LAMC1: variants seen among roughly 807,000 people sequenced by gnomAD.
The protein encoded by LAMC1 is laminin subunit gamma-1.
LAMC1 carries 38 observed loss-of-function variants against 173.6 expected under a neutral mutation model. The ratio of observed to expected loss-of-function variants is 0.22; its 90% CI spans 0.17 to 0.29. The LOEUF (loss-of-function observed/expected upper bound fraction) is 0.29. Among genes scored for constraint, LAMC1 ranks in the 10% least tolerant of loss-of-function variants. The pLI, the probability that LAMC1 is intolerant of heterozygous loss-of-function variation, is 1.00. For missense variants in LAMC1, 1,824 were observed against 2,051.8 expected, an observed-to-expected ratio of 0.89 and a Z score of 2.14; for synonymous variants, 746 against 749.1, an observed-to-expected ratio of 1.00 and a Z score of 0.07.
intron 1 of LAMC1, among the ~76,000 whole-genome samples, chr1:183,025,891 T>C (rs1653673759): frequency 6.6e-6 from 1 of 152,222 alleles, no homozygotes; most frequent in Non-Finnish European, 1.5e-5. Flanking sequence ...AGGCACTGTG[T>C]AGCTAAAGGT....
At chr1:183,073,601 G>A (rs1209725384) in intron 1 of LAMC1, among the ~76,000 whole-genome samples, 1 of 152,204 alleles carries the variant, frequency 6.6e-6, no homozygotes, top group Non-Finnish European at 1.5e-5. Flanking sequence ...TTGAACTTGT[G>A]TTAAGGTCAA....
intron 2 of LAMC1, among the ~76,000 whole-genome samples, chr1:183,107,816 C>T (rs959004023): frequency 5.9e-5 from 9 of 151,648 alleles, no homozygotes; most frequent in East Asian, 3.9e-4. Context: ...GGCGACAGAA[C>T]GAGACTCCAT....
At chr1:183,110,413 G>T (rs1362905227) in intron 3 of LAMC1, 75 bp from the exon 4 acceptor site, 4 of 1,162,556 alleles carry the variant, frequency 3.4e-6, no homozygotes, top group Non-Finnish European at 5.0e-6. Context: ...ACTTCTTTGT[G>T]TACATAGTTT....
intron 1 of LAMC1, among the ~76,000 whole-genome samples, chr1:183,052,080 A>G (rs1351461890): frequency 4.6e-5 from 7 of 152,162 alleles, no homozygotes; most frequent in Middle Eastern, 3.2e-3. Flanking sequence ...GTTACCTGTC[A>G]AAACATACAG....
rs139422397 is a variant in LAMC1 at position 183,071,348 on chromosome 1, T to G, written c.419-31980T>G. Reference sequence around the variant, plus strand: ...TTCTCACTTGAAAATTGAAGCTGTGTCCAGATACAGCTGTAATTCAGAATA... The same window carrying G: ...TTCTCACTTGAAAATTGAAGCTGTGGCCAGATACAGCTGTAATTCAGAATA... On this transcript the variant is annotated intron_variant, in intron 1 of 27. Coordinates refer to ENST00000258341, the MANE Select transcript of LAMC1 (RefSeq NM_002293.4). Among the ~76,000 whole-genome samples the G allele has an allele frequency of 6.0e-4, 91 of 151,910 alleles. 2 individuals are homozygous for G. In the East Asian group the frequency reaches 9.9e-3, roughly 17 times the overall value.
chr1:183,128,826 TA>T, intron 18 of LAMC1, 76 bp downstream of exon 18: 24 of 1,093,428 alleles, frequency 2.2e-5, no homozygotes, highest in Middle Eastern at 2.3e-4. Context: ...GCAAGGTTAG[TA>T]TAGTTTTATA....
intron 26 of LAMC1, among the ~76,000 whole-genome samples, chr1:183,139,763 G>A (rs1657054106): frequency 6.6e-6 from 1 of 152,146 alleles, no homozygotes; most frequent in Admixed American, 6.5e-5. Context: ...TATGACTCAT[G>A]CACAGTTATT....
chr1:183,080,072 A>G (rs898255711), intron 1 of LAMC1, among the ~76,000 whole-genome samples: 4 of 152,072 alleles, frequency 2.6e-5, no homozygotes, highest in Non-Finnish European at 4.4e-5. Flanking sequence ...GTGAAACCCC[A>G]TCTCTACTAA....
chr1:183,101,708 A>G (rs1655838250), intron 1 of LAMC1, among the ~76,000 whole-genome samples: 1 of 152,056 alleles, frequency 6.6e-6, no homozygotes, highest in Admixed American at 6.5e-5. Flanking sequence ...AGCAGAAATC[A>G]TATGGTTAGT....
At chr1:183,120,876 G>A (rs3768622) in intron 11 of LAMC1, among the ~76,000 whole-genome samples, 83,590 of 151,952 alleles carry the variant, frequency 0.55, 23,211 homozygotes, top group South Asian at 0.65. Flanking sequence ...CAGAAATTAT[G>A]TAACCTGAGT....
At chr1:183,077,506 C>T (rs537924951) in intron 1 of LAMC1, among the ~76,000 whole-genome samples, 1 of 152,070 alleles carries the variant, frequency 6.6e-6, no homozygotes, top group East Asian at 1.9e-4. Context: ...TTGGTGCACG[C>T]GAGCACTATA....
chr1:183,083,399 G>T (rs904193284), intron 1 of LAMC1, among the ~76,000 whole-genome samples: 3 of 152,088 alleles, frequency 2.0e-5, no homozygotes, highest in African/African-American at 7.2e-5. Flanking sequence ...GAATCACACC[G>T]GAACGAGTTG....
At chr1:183,055,795 G>C (rs1654574944) in intron 1 of LAMC1, among the ~76,000 whole-genome samples, 1 of 151,852 alleles carries the variant, frequency 6.6e-6, no homozygotes, top group African/African-American at 2.4e-5. Context: ...CTGGGCAACA[G>C]AGGGAGACTC....
At chr1:183,135,975 A>G (rs182436791) in intron 24 of LAMC1, among the ~76,000 whole-genome samples, 1 of 152,010 alleles carries the variant, frequency 6.6e-6, no homozygotes, top group Non-Finnish European at 1.5e-5. Flanking sequence ...ACCCTGCACC[A>G]CAGGTCATGT....
chr1:183,110,346 C>T, intron 3 of LAMC1, 142 bp from the exon 4 acceptor site: 1 of 544,516 alleles, frequency 1.8e-6, no homozygotes, highest in Non-Finnish European at 3.1e-6. Flanking sequence ...AAAATTCAGA[C>T]ATCCATTACT....
intron 1 of LAMC1, among the ~76,000 whole-genome samples, chr1:183,060,762 G>A (rs948758340): frequency 6.6e-6 from 1 of 152,214 alleles, no homozygotes; most frequent in African/African-American, 2.4e-5. Context: ...TGGGTGAAAA[G>A]CAGAAGTAGA....
At chr1:183,132,788 C>T (rs1249955368) in intron 21 of LAMC1, among the ~76,000 whole-genome samples, 1 of 151,222 alleles carries the variant, frequency 6.6e-6, no homozygotes, top group East Asian at 1.9e-4. Flanking sequence ...AAATTGTGCA[C>T]AAATAAAGAA....
Position 183,115,585 on chromosome 1 carries a change from A to G in LAMC1, c.1276A>G (p.Lys426Glu). 1.2e-6 allele frequency: 2 copies of G among 1,614,142 alleles called. No homozygotes were observed. The highest frequency in any genetic ancestry group is 1.7e-6 in the Non-Finnish European group (2 of 1,179,994). The change falls in exon 6 of 28, where the codon AAA becomes GAA. Residue 426 changes from lysine (K) to glutamate (E), a missense_variant. By Grantham distance (56) the Lys-to-Glu change is moderately conservative. Coordinates refer to ENST00000258341, the MANE Select transcript of LAMC1 (RefSeq NM_002293.4). ...CSCKPGVMGD[K>E]CDRCQPGFHS... ...CTGTAAGCCAGGAGTGATGGGGGACAAATGTGACCGTTGCCAGCCTGGATT... is the reference window on the plus strand; with the variant it reads ...CTGTAAGCCAGGAGTGATGGGGGACGAATGTGACCGTTGCCAGCCTGGATT...
chr1:183,077,503 A>G (rs1442896604), intron 1 of LAMC1, among the ~76,000 whole-genome samples: 1 of 152,018 alleles, frequency 6.6e-6, no homozygotes, highest in Non-Finnish European at 1.5e-5. Context: ...ATTTTGGTGC[A>G]CGCGAGCACT....
Sources: allele counts gnomAD v4.1 joint callset (sites outside exome capture counted in the v4.1 genomes callset), GRCh38; gene constraint gnomAD v4.1.1; transcripts MANE v1.5; gene names NCBI Gene and HGNC (gene_info 2026-07-23, HGNC 2026-07-21).